The following LRRC74B variants were observed in gnomAD, a reference collection of about 807,000 sequenced individuals.
LRRC74B encodes the protein leucine-rich repeat-containing protein 74B.
LRRC74B carries 30 observed loss-of-function variants against 16.6 expected under a neutral mutation model. That is an observed-to-expected ratio of 1.80 (90% confidence interval 1.35 to 2.45). LRRC74B has a LOEUF of 2.45. Among genes scored for constraint, LRRC74B ranks in the 30% most tolerant of loss-of-function variants. LRRC74B has a pLI of 0.00. For missense variants in LRRC74B, 326 were observed against 202.4 expected (o/e 1.61, Z -3.71); for synonymous variants, 134 against 86.0 (o/e 1.56, Z -3.09).
At position 21,053,741 on chromosome 22, in the gene LRRC74B, A is replaced by C. The variant is rs929791104; in HGVS notation, c.848+266A>C. ...CCAGCTCAAGCAATCCCACCACCTC[A>C]GCCTCCCAAGTAGCTGGGACTACAG... On this transcript the variant is annotated intron_variant, in intron 6 of 8. Transcript: ENST00000442047. 11 of 279,322 alleles carry C rather than the reference A, an allele frequency of 3.9e-5. No individual in the cohort carries two copies. The East Asian group carries it at 7.5e-4, about 19-fold the overall frequency. 17.3% of individuals were successfully genotyped at this position (279,322 alleles called of 1,614,324 possible). A position where few individuals can be genotyped will look rare whatever the true frequency, so the allele number is the denominator to read the frequency against.
At chr22:21,046,939 A>G (rs1929494247) in intron 1 of LRRC74B, among the ~76,000 whole-genome samples, 1 of 151,974 alleles carries the variant, frequency 6.6e-6, no homozygotes, top group Non-Finnish European at 1.5e-5. Context: ...TGAAAATACA[A>G]AAAACTAGCC....
chr22:21,049,446 C>T (rs1929795572), intron 4 of LRRC74B: 2 of 406,568 alleles, frequency 4.9e-6, no homozygotes, highest in Admixed American at 4.3e-5. Context: ...ATGTTAACAA[C>T]ATCATTCTGA....
rs1399245307 is a variant in LRRC74B, at chr22:21,052,251, G to T, written c.625G>T (p.Glu209Ter). The T allele has an allele frequency of 1.4e-6, 1 of 717,550 alleles. No individual in the cohort carries two copies. Among genetic ancestry groups the T allele is most frequent in the Admixed American group, 2.0e-5 (1 of 50,018 alleles). 44.4% of individuals were successfully genotyped at this position (717,550 alleles called of 1,614,324 possible). A position where few individuals can be genotyped will look rare whatever the true frequency, so the allele number is the denominator to read the frequency against. The change falls in exon 5 of 9, where the codon GAG becomes TAG. Residue 209 changes from glutamate to a stop codon, truncating the protein, a stop_gained and splice_region_variant. Coordinates refer to ENST00000442047, the Ensembl canonical transcript of LRRC74B. LOFTEE classifies it high-confidence loss of function. ...GGTCTCTCTTGGTGTTTCTGAAGGG[G>T]AGACACTTGGACCAGCCCTGGCAGA...
At position 21,055,201 on chromosome 22, in the gene LRRC74B, A is replaced by G. The variant is rs1194381751; in HGVS notation, c.927+25A>G. 5.6e-6 allele frequency: 4 copies of G among 711,580 alleles called. No individual in the cohort carries two copies. The Admixed American group carries it at 8.0e-5, about 14-fold the overall frequency. The allele number at this position is 711,580 out of a possible 1,614,324, so 44.1% of individuals were successfully genotyped here. On this transcript the variant is annotated intron_variant, in intron 7 of 8. Transcript: ENST00000442047. ...AGTGAGTGCTAGCCTGATGACTGAG[A>G]CACCAGCACAGACCTGCCCTGTAAC...
intron 6 of LRRC74B, among the ~76,000 whole-genome samples, chr22:21,054,603 G>A (rs545986615): frequency 1.4e-4 from 22 of 152,346 alleles, no homozygotes; most frequent in African/African-American, 4.6e-4. Context: ...AGCTAAGACT[G>A]GAGGCAGCCG....
chr22:21,057,120 A>T (rs1930580093), exon 8 of LRRC74B: 1 of 717,406 alleles, frequency 1.4e-6, no homozygotes, highest in South Asian at 1.5e-5. Flanking sequence ...CAGGAATCCC[A>T]TGCGAAGTGA....
intron 4 of LRRC74B, among the ~76,000 whole-genome samples, chr22:21,050,278 GC>G (rs1202486192): frequency 1.3e-5 from 2 of 151,964 alleles, no homozygotes; most frequent in East Asian, 3.9e-4. Context: ...CTTGTGATCC[GC>G]CCGCCTTGGC....
intron 1 of LRRC74B, among the ~76,000 whole-genome samples, 196 bp downstream of exon 1, chr22:21,046,321 G>T (rs1427482102): frequency 1.0e-4 from 14 of 133,386 alleles, no homozygotes; most frequent in Admixed American, 9.5e-4. Context: ...GTGCACCAAG[G>T]GCTGTCCCAC....
intron 2 of LRRC74B, among the ~76,000 whole-genome samples, 153 bp from the exon 3 acceptor site, chr22:21,047,730 TG>T (rs902354026): frequency 8.2e-5 from 12 of 146,908 alleles, no homozygotes; most frequent in Non-Finnish European, 1.4e-4. Context: ...GAGCTGGGGG[TG>T]GGGGGAGACC....
chr22:21,057,504 C>T (rs980475463), intron 8 of LRRC74B, among the ~76,000 whole-genome samples: 8 of 150,680 alleles, frequency 5.3e-5, no homozygotes, highest in Admixed American at 4.6e-4. Flanking sequence ...GATCTGCAGG[C>T]GCAGCACCTG....
At chr22:21,049,048 A>C (rs767925157) in exon 4 of LRRC74B, 12 of 715,946 alleles carry the variant, frequency 1.7e-5, no homozygotes, top group Middle Eastern at 3.0e-4. Flanking sequence ...TGCAGCTGTC[A>C]GGGAATGGCC....
intron 1 of LRRC74B, among the ~76,000 whole-genome samples, 188 bp from the exon 2 acceptor site, chr22:21,047,168 T>C (rs1248969379): frequency 6.6e-6 from 1 of 152,146 alleles, no homozygotes; most frequent in Non-Finnish European, 1.5e-5. Flanking sequence ...CGTATGACTT[T>C]AAGGAAAAGA....
chr22:21,057,272 G>T, intron 8 of LRRC74B, 72 bp downstream of exon 8: 2 of 689,418 alleles, frequency 2.9e-6, no homozygotes, highest in Non-Finnish European at 5.4e-6. Flanking sequence ...TTTAGAAGAA[G>T]AAAGTGAGGG....
chr22:21,049,692 G>A (rs1239674044), intron 4 of LRRC74B, among the ~76,000 whole-genome samples: 2 of 151,856 alleles, frequency 1.3e-5, no homozygotes, highest in Non-Finnish European at 2.9e-5. Flanking sequence ...CCTAGGCTAG[G>A]GAGCCAGGGA....
chr22:21,051,568 C>T (rs1251337694), intron 4 of LRRC74B, among the ~76,000 whole-genome samples: 2 of 152,090 alleles, frequency 1.3e-5, no homozygotes, highest in Admixed American at 1.3e-4. Context: ...CATCTGGTCC[C>T]CCAGCCTCTT....
intron 6 of LRRC74B, 77 bp from the exon 7 acceptor site, chr22:21,055,020 TG>T: frequency 1.4e-6 from 1 of 690,948 alleles, no homozygotes. Context: ...GCAGCTCCAG[TG>T]GGCACCCTGG....
intron 3 of LRRC74B, chr22:21,048,451 T>G: frequency 7.6e-6 from 2 of 263,460 alleles, no homozygotes; most frequent in Non-Finnish European, 1.5e-5. Flanking sequence ...CAGCTTAACC[T>G]CTCTGAGCTT....
In LRRC74B at chr22:21,047,093, GA is replaced by G. The variant is rs57891306; in HGVS notation, c.140-250del. ...GGGTGACAGAGCAAGAGTCTGTCTC[GA>G]AAAAAAAAAAAAGAAAATTTGTCTA... On this transcript the variant is annotated intron_variant, in intron 1 of 8. Transcript: ENST00000442047. Among the ~76,000 whole-genome samples, 810 of 136,406 alleles carry G rather than the reference GA, an allele frequency of 5.9e-3. 3 individuals carry two copies. Among genetic ancestry groups the G allele is most frequent in the South Asian group, 0.02 (85 of 4,282 alleles). 89.5% of individuals were successfully genotyped at this position (136,406 alleles called of 152,430 possible). A position where few individuals can be genotyped will look rare whatever the true frequency, so the allele number is the denominator to read the frequency against.
intron 7 of LRRC74B, among the ~76,000 whole-genome samples, chr22:21,056,179 CT>C: frequency 6.6e-6 from 1 of 152,330 alleles, no homozygotes; most frequent in Non-Finnish European, 1.5e-5. Context: ...GTTTTATCCC[CT>C]CTGGATAAAC....
Sources: gnomAD v4.1 joint callset for allele counts (sites outside exome capture counted in the v4.1 genomes callset) on GRCh38, gnomAD v4.1.1 for gene constraint, MANE v1.5 for transcripts, NCBI Gene and HGNC (gene_info 2026-07-23, HGNC 2026-07-21) for gene names.